The following FUT9 variants were observed in gnomAD, a reference collection of about 807,000 sequenced individuals.
FUT9 encodes fucosyltransferase 9, also known as 4-galactosyl-N-acetylglucosaminide 3-alpha-L-fucosyltransferase 9.
In FUT9, 15 loss-of-function variants were observed where a neutral mutation model predicts 29.7. The ratio of observed to expected loss-of-function variants is 0.51; its 90% CI spans 0.34 to 0.78. The LOEUF (loss-of-function observed/expected upper bound fraction) is 0.78, where lower values mean the gene tolerates loss of function less well. FUT9 is among the 30% of genes least tolerant of loss of function. The pLI is 0.01. For missense variants in FUT9, 319 were observed against 425.4 expected (o/e 0.75, Z 2.20); for synonymous variants, 169 against 153.7 (o/e 1.10, Z -0.74).
rs1366183843 is a variant in FUT9, at chr6:96,205,809, A to G, written c.*1574A>G. 2 of 166,816 alleles carry G rather than the reference A, an allele frequency of 1.2e-5. No homozygotes were observed. The highest frequency in any genetic ancestry group is 4.8e-5 in the African/African-American group (2 of 41,458). The allele number at this position is 166,816 out of a possible 1,614,324, so 10.3% of individuals were successfully genotyped here. A position where few individuals can be genotyped will look rare whatever the true frequency, so the allele number is the denominator to read the frequency against. On this transcript the variant is annotated 3_prime_UTR_variant, in exon 3 of 3. Transcript: ENST00000302103. ...TACAAATTGACATCAGCAAAATTCA[A>G]AAAGAATTCAGTAAAAAGGGCATAG... is the stretch of plus-strand genomic sequence containing the variant.
At chr6:96,062,773 A>G (rs572667894) in intron 1 of FUT9, among the ~76,000 whole-genome samples, 1 of 152,202 alleles carries the variant, frequency 6.6e-6, no homozygotes, top group African/African-American at 2.4e-5. Context: ...TAAGAGGAAA[A>G]TAAACTGTTT....
intron 1 of FUT9, among the ~76,000 whole-genome samples, chr6:96,099,998 C>T (rs1485885406): frequency 6.6e-6 from 1 of 151,974 alleles, no homozygotes; most frequent in Non-Finnish European, 1.5e-5. Flanking sequence ...TTTGCAAATG[C>T]TAACATTGGG....
In FUT9 at chr6:96,208,094, G is replaced by A. The variant is rs554004919; in HGVS notation, c.*3859G>A. ...TTTCTTATTTTGAGGGGCTTAGAAA[G>A]CTCAGCGCATTTGATGTATAAAGCA... On this transcript the variant is annotated 3_prime_UTR_variant, in exon 3 of 3. Coordinates refer to ENST00000302103, the MANE Select transcript of FUT9 (RefSeq NM_006581.4). 2 of 166,972 alleles carry A rather than the reference G, an allele frequency of 1.2e-5. No homozygotes were observed. Among genetic ancestry groups the A allele is most frequent in the East Asian group, 1.9e-4 (1 of 5,188 alleles). 10.3% of individuals were successfully genotyped at this position (166,972 alleles called of 1,614,324 possible).
At chr6:96,065,079 G>A (rs1405361487) in intron 1 of FUT9, among the ~76,000 whole-genome samples, 1 of 152,138 alleles carries the variant, frequency 6.6e-6, no homozygotes, top group Non-Finnish European at 1.5e-5. Flanking sequence ...TAAGAACAAT[G>A]ATTAGTAGAA....
chr6:96,112,602 G>GA (rs1011076163), intron 1 of FUT9, among the ~76,000 whole-genome samples: 12 of 151,872 alleles, frequency 7.9e-5, no homozygotes, highest in Admixed American at 2.6e-4. Flanking sequence ...CTTTAGGAAA[G>GA]AAAAAAAATG....
intron 2 of FUT9, among the ~76,000 whole-genome samples, chr6:96,159,520 T>C (rs1772857254): frequency 6.6e-6 from 1 of 152,132 alleles, no homozygotes. Context: ...TTTAAAAATG[T>C]GTAATTTGTA....
chr6:96,139,753 G>A (rs149903032), intron 2 of FUT9, among the ~76,000 whole-genome samples: 8 of 152,274 alleles, frequency 5.3e-5, no homozygotes, highest in East Asian at 3.9e-4. Context: ...AACAGCCTGA[G>A]TTGTACAGTG....
At chr6:96,133,915 A>G (rs1368529702) in intron 2 of FUT9, among the ~76,000 whole-genome samples, 1 of 151,728 alleles carries the variant, frequency 6.6e-6, no homozygotes, top group African/African-American at 2.4e-5. Context: ...ACTTTGTTTA[A>G]TGTTTTACTA....
intron 1 of FUT9, among the ~76,000 whole-genome samples, chr6:96,018,635 C>G (rs991123562): frequency 6.6e-6 from 1 of 151,676 alleles, no homozygotes; most frequent in Non-Finnish European, 1.5e-5. Context: ...TAGAGGATGA[C>G]GGGTTTAAGT....
At chr6:96,186,242 C>T (rs1461044661) in intron 2 of FUT9, among the ~76,000 whole-genome samples, 1 of 151,896 alleles carries the variant, frequency 6.6e-6, no homozygotes, top group South Asian at 2.1e-4. Flanking sequence ...AGTTTGTTCT[C>T]TTATTGTAAA....
At chr6:96,133,314 A>T (rs1772282195) in intron 2 of FUT9, among the ~76,000 whole-genome samples, 5 of 152,008 alleles carry the variant, frequency 3.3e-5, no homozygotes, top group Admixed American at 3.3e-4. Context: ...ACCAGAAGCC[A>T]CTTCTGTGGT....
intron 1 of FUT9, among the ~76,000 whole-genome samples, chr6:96,091,774 T>C (rs546784558): frequency 2.6e-4 from 39 of 152,188 alleles, no homozygotes; most frequent in African/African-American, 9.1e-4. Flanking sequence ...TGCAATCTCC[T>C]CATCAATTTG....
intron 2 of FUT9, among the ~76,000 whole-genome samples, chr6:96,158,770 A>G (rs758429016): frequency 3.4e-4 from 51 of 152,086 alleles, no homozygotes; most frequent in Non-Finnish European, 5.7e-4. Flanking sequence ...ATAAATGACT[A>G]AAATTGAAAC....
intron 1 of FUT9, among the ~76,000 whole-genome samples, chr6:96,035,048 G>A (rs1300090859): frequency 6.6e-6 from 1 of 151,660 alleles, no homozygotes; most frequent in Admixed American, 6.6e-5. Flanking sequence ...GGGACAAAAA[G>A]TCATCAATTC....
At chr6:96,043,163 T>G (rs527888479) in intron 1 of FUT9, among the ~76,000 whole-genome samples, 1 of 152,088 alleles carries the variant, frequency 6.6e-6, no homozygotes, top group East Asian at 1.9e-4. Flanking sequence ...GCCATTCTCC[T>G]GCCTCAGCCT....
chr6:96,078,738 A>T (rs1771185778), intron 1 of FUT9, among the ~76,000 whole-genome samples: 1 of 151,936 alleles, frequency 6.6e-6, no homozygotes. Flanking sequence ...AGTCTTAACC[A>T]AATTTTTCAT....
intron 1 of FUT9, among the ~76,000 whole-genome samples, chr6:96,051,614 C>G (rs1042890531): frequency 6.6e-6 from 1 of 152,010 alleles, no homozygotes; most frequent in African/African-American, 2.4e-5. Context: ...GATTCTGCCA[C>G]TGCACTCCAG....
At chr6:96,018,620 C>T (rs1248045104) in intron 1 of FUT9, among the ~76,000 whole-genome samples, 1 of 151,864 alleles carries the variant, frequency 6.6e-6, no homozygotes, top group Non-Finnish European at 1.5e-5. Context: ...TAATTATATG[C>T]CACCTAGAGG....
intron 1 of FUT9, among the ~76,000 whole-genome samples, chr6:96,025,904 C>A (rs1770158887): frequency 6.6e-6 from 1 of 151,626 alleles, no homozygotes; most frequent in Admixed American, 6.6e-5. Context: ...TTTTTCACAG[C>A]AATAGCAGTA....
Sources: gnomAD v4.1 joint callset for allele counts (sites outside exome capture counted in the v4.1 genomes callset) on GRCh38, gnomAD v4.1.1 for gene constraint, MANE v1.5 for transcripts, NCBI Gene and HGNC (gene_info 2026-07-23, HGNC 2026-07-21) for gene names.